The following SNX29 variants were observed in gnomAD, a reference collection of about 807,000 sequenced individuals.
The protein encoded by SNX29 is sorting nexin 29.
SNX29 carries 78 observed loss-of-function variants against 102.1 expected under a neutral mutation model. That is an observed-to-expected ratio of 0.76 (90% CI 0.64 to 0.92). The LOEUF is 0.92. SNX29 is among the 40% of genes least tolerant of loss of function. The pLI, the probability that SNX29 is intolerant of heterozygous loss-of-function variation, is 0.00. For missense variants in SNX29, 1,280 were observed against 1,061.7 expected (o/e 1.21, Z -2.86); for synonymous variants, 580 against 414.5 (o/e 1.40, Z -4.85).
intron 20 of SNX29, among the ~76,000 whole-genome samples, chr16:12,563,592 A>T (rs1326241163): frequency 7.3e-6 from 1 of 136,942 alleles, no homozygotes; most frequent in Non-Finnish European, 1.7e-5. Context: ...TTAGGCCTCC[A>T]TGTCTGTATC....
intron 19 of SNX29, among the ~76,000 whole-genome samples, chr16:12,491,626 C>T (rs2088551278): frequency 1.3e-5 from 2 of 151,894 alleles, no homozygotes; most frequent in African/African-American, 4.8e-5. Flanking sequence ...TGTGCTGCAC[C>T]CATTAACTCC....
At chr16:12,331,322 C>T (rs911379959) in intron 15 of SNX29, among the ~76,000 whole-genome samples, 2 of 152,172 alleles carry the variant, frequency 1.3e-5, no homozygotes, top group Admixed American at 6.5e-5. Flanking sequence ...TTTCTTGGGC[C>T]TAGCTTGGTA....
intron 14 of SNX29, among the ~76,000 whole-genome samples, chr16:12,260,841 C>T (rs567357073): frequency 1.3e-4 from 20 of 150,886 alleles, no homozygotes; most frequent in Non-Finnish European, 2.4e-4. Context: ...TGCGTGTGCC[C>T]GGCTGGAGTG....
chr16:12,154,843 C>A (rs759171709), intron 13 of SNX29, among the ~76,000 whole-genome samples: 3 of 152,188 alleles, frequency 2.0e-5, no homozygotes, highest in Admixed American at 1.3e-4. Context: ...GCCTCTCTTA[C>A]AAAGGCACGA....
rs1163976766 is a variant in SNX29, at chr16:12,102,565, C to T, written c.1402+23650C>T. On this transcript the variant is annotated intron_variant, in intron 11 of 20. Coordinates refer to ENST00000566228, the MANE Select transcript of SNX29 (RefSeq NM_032167.5). ...TGTTTGTTGGCCACATAAATGTCTT[C>T]TTTGGAGAAGTGTCTGCTCATATCC... Among the ~76,000 whole-genome samples, 3 of 152,214 alleles carry T rather than the reference C, an allele frequency of 2.0e-5. No individual in the cohort carries two copies. The East Asian group carries it at 5.8e-4, about 29-fold the overall frequency.
Position 12,570,997 on chromosome 16 carries a change from G to A in SNX29, c.*2368G>A, listed in dbSNP as rs767468960. The A allele has an allele frequency of 2.6e-5, 6 of 232,608 alleles. No individual in the cohort carries two copies. The highest frequency in any genetic ancestry group is 5.1e-5 in the Non-Finnish European group (6 of 117,710). 14.4% of individuals were successfully genotyped at this position (232,608 alleles called of 1,614,324 possible). ...GGTACCTCCCCCATGATCATGCACA[G>A]ACCGTAGAGTCGAGTCATCTCGCAG... On this transcript the variant is annotated 3_prime_UTR_variant, in exon 21 of 21. Transcript: ENST00000566228.
intron 18 of SNX29, among the ~76,000 whole-genome samples, chr16:12,468,022 A>G (rs1350937281): frequency 5.9e-5 from 9 of 151,948 alleles, no homozygotes; most frequent in Admixed American, 1.3e-4. Context: ...CACCTCCAGT[A>G]TCGTCTTGGA....
intron 20 of SNX29, among the ~76,000 whole-genome samples, chr16:12,550,530 A>C (rs904189740): frequency 7.5e-4 from 85 of 112,832 alleles, no homozygotes; most frequent in African/African-American, 3.5e-3. Flanking sequence ...GTCTCAATCT[A>C]CAAAAAAAAA....
chr16:12,113,963 C>A (rs903376032), intron 11 of SNX29, among the ~76,000 whole-genome samples: 1 of 152,224 alleles, frequency 6.6e-6, no homozygotes, highest in African/African-American at 2.4e-5. Flanking sequence ...GTAGATGTAA[C>A]ATCTGAGACC....
At chr16:12,545,024 T>G (rs1232824796) in intron 20 of SNX29, among the ~76,000 whole-genome samples, 1 of 152,144 alleles carries the variant, frequency 6.6e-6, no homozygotes, top group African/African-American at 2.4e-5. Context: ...GATGTCGGCT[T>G]CAGTAGCCAG....
chr16:12,031,673 C>T (rs2057348773), intron 4 of SNX29, among the ~76,000 whole-genome samples: 1 of 151,906 alleles, frequency 6.6e-6, no homozygotes, highest in South Asian at 2.1e-4. Flanking sequence ...GGCGTGGTGG[C>T]AGGTGCCTAT....
chr16:12,178,667 C>T (rs943009886), intron 13 of SNX29, among the ~76,000 whole-genome samples: 1 of 152,214 alleles, frequency 6.6e-6, no homozygotes, highest in Non-Finnish European at 1.5e-5. Flanking sequence ...GGCCCGGGCC[C>T]TCTCTGTTAT....
At chr16:12,218,770 TTATTATA>T (rs1224204846) in intron 14 of SNX29, among the ~76,000 whole-genome samples, 3 of 152,134 alleles carry the variant, frequency 2.0e-5, no homozygotes, top group Non-Finnish European at 4.4e-5. Context: ...AGGTTTTTAT[TTATTATA>T]TATTATTTAT....
At chr16:12,566,700 G>A (rs1598112185) in intron 20 of SNX29, among the ~76,000 whole-genome samples, 1 of 12,690 alleles carries the variant, frequency 7.9e-5, no homozygotes, top group East Asian at 5.7e-4. Context: ...CGTAAGTGGG[G>A]TCCCCCATCC....
At chr16:12,018,098 C>G (rs946099639) in intron 3 of SNX29, among the ~76,000 whole-genome samples, 1 of 151,852 alleles carries the variant, frequency 6.6e-6, no homozygotes, top group East Asian at 1.9e-4. Flanking sequence ...GGTGCCAAGT[C>G]CTTCCTGCAT....
intron 19 of SNX29, among the ~76,000 whole-genome samples, chr16:12,502,940 G>A (rs765366474): frequency 4.6e-5 from 7 of 152,216 alleles, no homozygotes; most frequent in South Asian, 2.1e-4. Context: ...CTGCAAAGAA[G>A]CACTCACGTT....
At chr16:12,063,267 G>A (rs2050855346) in intron 9 of SNX29, among the ~76,000 whole-genome samples, 1 of 151,988 alleles carries the variant, frequency 6.6e-6, no homozygotes, top group African/African-American at 2.4e-5. Context: ...TTGGCATGGA[G>A]GGGGCTTTCC....
chr16:12,316,376 CTA>C (rs1223328408), intron 15 of SNX29, among the ~76,000 whole-genome samples: 3 of 152,150 alleles, frequency 2.0e-5, no homozygotes, highest in African/African-American at 7.2e-5. Context: ...AACCCCGTCT[CTA>C]TTAAAAATAC....
chr16:12,091,199 T>G (rs1596848260), intron 11 of SNX29, among the ~76,000 whole-genome samples: 3 of 152,206 alleles, frequency 2.0e-5, no homozygotes, highest in African/African-American at 7.2e-5. Flanking sequence ...TTGAAGAAAC[T>G]GAGAGGCTTT....
Sources: allele counts gnomAD v4.1 joint callset (sites outside exome capture counted in the v4.1 genomes callset), GRCh38; gene constraint gnomAD v4.1.1; transcripts MANE v1.5; gene names NCBI Gene and HGNC (gene_info 2026-07-23, HGNC 2026-07-21).